Variants in SLC67A2 observed in about 807,000 individuals in gnomAD.
The protein encoded by SLC67A2 is solute carrier family 67 member A2.
At chr2:102,720,694 T>G in the SLC67A2 span, among the ~76,000 whole-genome samples, 1 of 152,164 alleles carries the variant, frequency 6.6e-6, no homozygotes, top group Non-Finnish European at 1.5e-5. Context: ...AGGGTCACAC[T>G]AAAAACTGGC....
the SLC67A2 span, among the ~76,000 whole-genome samples, chr2:102,728,906 GGTT>G: frequency 6.6e-6 from 1 of 152,132 alleles, no homozygotes; most frequent in South Asian, 2.1e-4. Flanking sequence ...CTTTGAGGCT[GGTT>G]ATTATAAGGA....
the SLC67A2 span, chr2:102,718,767 G>A: frequency 2.5e-6 from 4 of 1,613,822 alleles, no homozygotes; most frequent in Admixed American, 1.7e-5. Context: ...GTGCAGGTGA[G>A]TATGCTGGAA....
chr2:102,721,580 G>A, the SLC67A2 span, among the ~76,000 whole-genome samples: 13 of 152,104 alleles, frequency 8.5e-5, no homozygotes, highest in African/African-American at 1.4e-4. Context: ...CCAAGGGCCA[G>A]CCATGCACCA....
the SLC67A2 span, chr2:102,736,702 A>C: frequency 6.2e-7 from 1 of 1,613,380 alleles, no homozygotes; most frequent in Non-Finnish European, 8.5e-7. Context: ...ACGGCACCGG[A>C]GTCGGCAGCC....
the SLC67A2 span, among the ~76,000 whole-genome samples, chr2:102,731,608 TGG>T: frequency 6.6e-6 from 1 of 152,216 alleles, no homozygotes. Flanking sequence ...TTCACACTGC[TGG>T]GTGGTCCAGT....
chr2:102,726,371 A>G, the SLC67A2 span, among the ~76,000 whole-genome samples: 5 of 152,328 alleles, frequency 3.3e-5, no homozygotes, highest in Middle Eastern at 3.4e-3. Flanking sequence ...ACAAGTCCCA[A>G]TACAGTAGTG....
the SLC67A2 span, chr2:102,718,076 T>C: frequency 4.7e-6 from 1 of 211,034 alleles, no homozygotes; most frequent in African/African-American, 2.3e-5. Flanking sequence ...TGTTCTCTTA[T>C]TCCACCACCA....
At chr2:102,736,847 G>T in the SLC67A2 span, 7 of 1,568,506 alleles carry the variant, frequency 4.5e-6, no homozygotes, top group Admixed American at 1.1e-4. Context: ...AGCAGCAGCC[G>T]CGGACCTACC....
At chr2:102,730,076 T>C in the SLC67A2 span, among the ~76,000 whole-genome samples, 1 of 152,162 alleles carries the variant, frequency 6.6e-6, no homozygotes, top group African/African-American at 2.4e-5. Context: ...CACTGGACGC[T>C]GAGGTCTCCA....
chr2:102,733,594 T>A, the SLC67A2 span, among the ~76,000 whole-genome samples: 1 of 152,336 alleles, frequency 6.6e-6, no homozygotes, highest in African/African-American at 2.4e-5. Flanking sequence ...AAAATTTCCT[T>A]TGGGTCTGAG....
the SLC67A2 span, chr2:102,726,727 G>T: frequency 1.4e-6 from 2 of 1,413,554 alleles, no homozygotes; most frequent in Non-Finnish European, 1.9e-6. Context: ...CACTCTTTAA[G>T]CAAGTAAGGA....
At chr2:102,734,403 A>C in the SLC67A2 span, among the ~76,000 whole-genome samples, 1 of 152,202 alleles carries the variant, frequency 6.6e-6, no homozygotes, top group Non-Finnish European at 1.5e-5. Flanking sequence ...TCCCTCCTAA[A>C]CAAATTAAAA....
the SLC67A2 span, chr2:102,718,862 C>T: frequency 6.2e-7 from 1 of 1,614,074 alleles, no homozygotes; most frequent in Non-Finnish European, 8.5e-7. Context: ...CAGCATGCTG[C>T]TGTAACTGAT....
At chr2:102,719,242 G>C in the SLC67A2 span, 1 of 1,583,462 alleles carries the variant, frequency 6.3e-7, no homozygotes, top group South Asian at 1.1e-5. Flanking sequence ...TAAAGCATCT[G>C]AATGCACTGA....
chr2:102,720,230 T>C, the SLC67A2 span, among the ~76,000 whole-genome samples: 4 of 152,206 alleles, frequency 2.6e-5, no homozygotes, highest in Admixed American at 2.0e-4. Flanking sequence ...TCTCCAAATA[T>C]TGTATAAGTG....
the SLC67A2 span, among the ~76,000 whole-genome samples, chr2:102,733,244 G>T: frequency 4.6e-5 from 7 of 152,300 alleles, no homozygotes; most frequent in African/African-American, 1.7e-4. Context: ...ACCTGCTACA[G>T]TTGGTTTAGT....
the SLC67A2 span, chr2:102,718,652 A>T: frequency 2.0e-5 from 33 of 1,613,782 alleles, no homozygotes; most frequent in Non-Finnish European, 2.8e-5. Flanking sequence ...AGTCAGCTGG[A>T]GGTCCGTGAT....
chr2:102,732,496 C>T, the SLC67A2 span: 4 of 1,105,714 alleles, frequency 3.6e-6, no homozygotes, highest in Middle Eastern at 2.1e-4. Flanking sequence ...AAAAATAAAA[C>T]CAATATCTAA....
chr2:102,718,100 T>C, the SLC67A2 span: 5,864 of 274,262 alleles, frequency 0.021, 319 homozygotes, highest in African/African-American at 0.12. Context: ...CCCTATCCTG[T>C]AGCTGGTAGT....
Sources: gnomAD v4.1 joint callset for allele counts (sites outside exome capture counted in the v4.1 genomes callset) on GRCh38, gnomAD v4.1.1 for gene constraint, MANE v1.5 for transcripts, NCBI Gene and HGNC (gene_info 2026-07-23, HGNC 2026-07-21) for gene names.